Variants in MOV10L1 observed in about 807,000 individuals in gnomAD.
MOV10L1 encodes Mov10 like RNA helicase 1, also known as RNA helicase Mov10l1.
A neutral mutation model predicts 143.8 loss-of-function variants in MOV10L1; 110 were observed. The ratio of observed to expected loss-of-function variants is 0.76; its 90% confidence interval spans 0.66 to 0.90. The LOEUF is 0.90. MOV10L1 is among the 40% of genes least tolerant of loss of function. The pLI is 0.00. For synonymous variants in MOV10L1, 593 were observed against 581.1 expected (o/e 1.02, Z -0.29); for missense variants, 1,406 against 1,526.8 (o/e 0.92, Z 1.32).
rs1324310699 is a variant in MOV10L1, at chr22:50,090,022, G to C, written c.-67G>C. 46 of 1,140,438 alleles carry C rather than the reference G, an allele frequency of 4.0e-5. No individual in the cohort carries two copies. Among genetic ancestry groups the C allele is most frequent in the Non-Finnish European group, 5.0e-5 (46 of 925,842 alleles). The allele number at this position is 1,140,438 out of a possible 1,614,324, so 70.6% of individuals were successfully genotyped here. A position where few individuals can be genotyped will look rare whatever the true frequency, so the allele number is the denominator to read the frequency against. On this transcript the variant is annotated 5_prime_UTR_variant, in exon 1 of 27. Transcript: ENST00000262794. ...GGCGACCCCATTGGTGGCGGGCGGC[G>C]GGAGCGGCGCGGGCGCGTGCGGGCG...
At chr22:50,104,945 G>A (rs948858138) in intron 3 of MOV10L1, among the ~76,000 whole-genome samples, 1 of 147,952 alleles carries the variant, frequency 6.8e-6, no homozygotes, top group Non-Finnish European at 1.5e-5. Flanking sequence ...AGGCTGGAAT[G>A]CAGTGGCTCA....
chr22:50,125,037 T>C (rs2062457374), intron 10 of MOV10L1, among the ~76,000 whole-genome samples: 1 of 152,218 alleles, frequency 6.6e-6, no homozygotes, highest in Admixed American at 6.5e-5. Context: ...GACCTGGAAG[T>C]TTGTCCTTTT....
At chr22:50,102,330 C>T (rs2061765812) in intron 3 of MOV10L1, among the ~76,000 whole-genome samples, 1 of 152,236 alleles carries the variant, frequency 6.6e-6, no homozygotes, top group Non-Finnish European at 1.5e-5. Flanking sequence ...AGCTCCTCCC[C>T]ACAGGATGGT....
chr22:50,129,995 A>G (rs2062625863), intron 13 of MOV10L1, among the ~76,000 whole-genome samples: 1 of 152,172 alleles, frequency 6.6e-6, no homozygotes, highest in Non-Finnish European at 1.5e-5. Context: ...TTTAAAAAGT[A>G]TCTTTTGAGG....
intron 5 of MOV10L1, among the ~76,000 whole-genome samples, chr22:50,112,468 G>A (rs990539122): frequency 3.3e-5 from 5 of 152,190 alleles, no homozygotes; most frequent in Admixed American, 2.6e-4. Context: ...GTGGCCTGGG[G>A]GTCTTCAGGA....
chr22:50,126,567 G>A (rs1226123707), intron 12 of MOV10L1, among the ~76,000 whole-genome samples: 1 of 152,204 alleles, frequency 6.6e-6, no homozygotes, highest in Non-Finnish European at 1.5e-5. Context: ...GCAGAGTGGA[G>A]GCCTTGAAAG....
chr22:50,149,634 G>C lies in MOV10L1; in HGVS notation c.2647G>C (p.Val883Leu). ...IGVRVGHFTH[V>L]FVDEAGQASE... ...CTCTAGAGTTGGGCACTTCACTCAC[G>C]TGTTTGTGGACGAGGCTGGGCAGGC... Residue 883 changes from valine (V) to leucine (L), a missense_variant, in exon 20 of 27, where the codon GTG becomes CTG. Val to Leu is a conservative substitution (Grantham distance 32, BLOSUM62 1). Coordinates refer to ENST00000262794, the MANE Select transcript of MOV10L1 (RefSeq NM_018995.3). 6.2e-7 allele frequency: 1 copy of C among 1,614,192 alleles called. No individual in the cohort carries two copies. Among genetic ancestry groups the C allele is most frequent in the Non-Finnish European group, 8.5e-7 (1 of 1,180,010 alleles).
chr22:50,117,435 C>A, intron 9 of MOV10L1, 84 bp downstream of exon 9: 1 of 1,430,858 alleles, frequency 7.0e-7, no homozygotes, highest in Non-Finnish European at 9.5e-7. Context: ...CAAGCGGTGG[C>A]TACCACCTGG....
chr22:50,138,365 G>A (rs2062890945), intron 15 of MOV10L1, among the ~76,000 whole-genome samples: 1 of 152,042 alleles, frequency 6.6e-6, no homozygotes, highest in Non-Finnish European at 1.5e-5. Context: ...GAACAGCCTG[G>A]GCAACATGCA....
chr22:50,119,656 A>T (rs553732589), intron 9 of MOV10L1, among the ~76,000 whole-genome samples: 75 of 150,372 alleles, frequency 5.0e-4, no homozygotes, highest in Non-Finnish European at 9.1e-4. Context: ...AATGCTTTCC[A>T]AATACACCTC....
At chr22:50,137,813 A>G (rs977203634) in intron 15 of MOV10L1, among the ~76,000 whole-genome samples, 2 of 100,070 alleles carry the variant, frequency 2.0e-5, no homozygotes, top group Non-Finnish European at 4.4e-5. Flanking sequence ...ATATATATAC[A>G]TATATAAATA....
At chr22:50,144,943 AT>A (rs962614937) in intron 18 of MOV10L1, among the ~76,000 whole-genome samples, 20 of 149,266 alleles carry the variant, frequency 1.3e-4, no homozygotes, top group African/African-American at 4.7e-4. Flanking sequence ...TATTGCTTTT[AT>A]TTTTTTGTTT....
chr22:50,149,394 C>A (rs2063234667), intron 19 of MOV10L1: 1 of 555,164 alleles, frequency 1.8e-6, no homozygotes, highest in East Asian at 3.0e-5. Context: ...AATACAGACG[C>A]TGCGTGCAAA....
At chr22:50,126,656 C>T (rs1479375617) in intron 12 of MOV10L1, among the ~76,000 whole-genome samples, 1 of 152,096 alleles carries the variant, frequency 6.6e-6, no homozygotes, top group Non-Finnish European at 1.5e-5. Context: ...TCCTGGTGCT[C>T]CAGATGGTTC....
intron 9 of MOV10L1, among the ~76,000 whole-genome samples, chr22:50,117,558 C>T (rs1247554903): frequency 6.6e-6 from 1 of 152,194 alleles, no homozygotes; most frequent in Non-Finnish European, 1.5e-5. Context: ...GTCTCTGCAG[C>T]TGCCCAGCAG....
At chr22:50,157,957 T>C (rs745915289) in intron 22 of MOV10L1, 100 bp from the exon 23 acceptor site, 5 of 1,370,786 alleles carry the variant, frequency 3.6e-6, no homozygotes, top group Non-Finnish European at 5.0e-6. Context: ...TATTCTGTCA[T>C]ATTCAGTGTG....
In MOV10L1 at chr22:50,143,990, A is replaced by G. The variant is rs2063063722; in HGVS notation, c.2359-107A>G. On this transcript the variant is annotated intron_variant, in intron 17 of 26. Transcript: ENST00000262794. ...GTGTTGGGGGCTGGCATCTGAGCCCATGCAGCTGAGTCCCTGCACCCGAAT... is the reference window on the plus strand; with the variant it reads ...GTGTTGGGGGCTGGCATCTGAGCCCGTGCAGCTGAGTCCCTGCACCCGAAT... 5.6e-6 allele frequency: 8 copies of G among 1,420,270 alleles called. No individual in the cohort carries two copies. In the Admixed American group the frequency reaches 7.5e-5, roughly 13 times the overall value. 88.0% of individuals were successfully genotyped at this position (1,420,270 alleles called of 1,614,324 possible).
At chr22:50,097,767 G>T (rs2062625949) in intron 2 of MOV10L1, among the ~76,000 whole-genome samples, 1 of 152,096 alleles carries the variant, frequency 6.6e-6, no homozygotes, top group Admixed American at 6.5e-5. Context: ...AATTTTAGAT[G>T]AGTTTTTCTA....
Position 50,134,055 on chromosome 22 carries a change from A to G in MOV10L1, c.1959A>G (p.Leu653=), listed in dbSNP as rs778503206. The stretch of plus-strand genomic sequence containing the variant: ...TTGCACTTGAACACGTCATCCACTT[A>G]GGTGTAAAAGGTATTACTTTTATAG... ...CHFALEHVIH[L]GVKVLFPEEI... is the part of the protein sequence containing the mutation. The change falls in exon 14 of 27, where the codon TTA becomes TTG. Residue 653 remains leucine (L), a synonymous_variant. Transcript: ENST00000262794. The G allele has an allele frequency of 2.5e-6, 4 of 1,609,632 alleles. No homozygotes were observed. The South Asian group carries it at 4.4e-5, about 18-fold the overall frequency.
Sources: allele counts gnomAD v4.1 joint callset (sites outside exome capture counted in the v4.1 genomes callset), GRCh38; gene constraint gnomAD v4.1.1; transcripts MANE v1.5; gene names NCBI Gene and HGNC (gene_info 2026-07-23, HGNC 2026-07-21).